The following GRID2 variants were observed in gnomAD, a reference collection of about 807,000 sequenced individuals.
GRID2 encodes glutamate ionotropic receptor delta type subunit 2.
GRID2 carries 33 observed loss-of-function variants against 114.8 expected under a neutral mutation model. The observed-to-expected ratio is 0.29, with a 90% CI of 0.22 to 0.38. The LOEUF (loss-of-function observed/expected upper bound fraction) is 0.38. GRID2 is among the 10% of genes least tolerant of loss of function. The pLI is 1.00. For missense variants in GRID2, 1,184 were observed against 1,257.7 expected (o/e 0.94, Z 0.89); for synonymous variants, 505 against 449.9 (o/e 1.12, Z -1.55).
At chr4:93,497,144 C>A (rs936242906) in intron 12 of GRID2, among the ~76,000 whole-genome samples, 3 of 151,440 alleles carry the variant, frequency 2.0e-5, no homozygotes, top group Non-Finnish European at 4.4e-5. Flanking sequence ...TATTGAACAT[C>A]TGTTCATGGG....
intron 13 of GRID2, among the ~76,000 whole-genome samples, chr4:93,538,489 T>C (rs1732329054): frequency 1.3e-5 from 2 of 151,694 alleles, no homozygotes; most frequent in South Asian, 4.1e-4. Flanking sequence ...AGGAGCTTTA[T>C]ACTCCTCCAT....
At chr4:92,450,142 T>C (rs1376114651) in intron 1 of GRID2, among the ~76,000 whole-genome samples, 6 of 152,100 alleles carry the variant, frequency 3.9e-5, no homozygotes, top group East Asian at 1.9e-4. Context: ...AAAGTAGTTT[T>C]AGTCATTAAA....
At chr4:92,835,062 T>A (rs1283473854) in intron 2 of GRID2, among the ~76,000 whole-genome samples, 1 of 152,122 alleles carries the variant, frequency 6.6e-6, no homozygotes, top group Non-Finnish European at 1.5e-5. Flanking sequence ...GAGAACTTAT[T>A]TTAAATAAGT....
At chr4:93,363,835 T>C (rs2149279057) in intron 8 of GRID2, among the ~76,000 whole-genome samples, 1 of 151,842 alleles carries the variant, frequency 6.6e-6, no homozygotes, top group Non-Finnish European at 1.5e-5. Context: ...TATTAGTTAA[T>C]AGAAAATATA....
At chr4:92,654,709 T>A (rs2149264619) in intron 2 of GRID2, among the ~76,000 whole-genome samples, 1 of 152,142 alleles carries the variant, frequency 6.6e-6, no homozygotes, top group Middle Eastern at 3.4e-3. Flanking sequence ...CTGTATGTCT[T>A]CTATTGCTAT....
intron 14 of GRID2, among the ~76,000 whole-genome samples, chr4:93,671,732 A>G (rs761439183): frequency 2.0e-5 from 3 of 152,054 alleles, no homozygotes; most frequent in Non-Finnish European, 2.9e-5. Context: ...ACTTTGGGAG[A>G]CTGAGGTGGG....
intron 1 of GRID2, among the ~76,000 whole-genome samples, chr4:92,482,676 T>A (rs1459938283): frequency 1.3e-5 from 2 of 152,174 alleles, no homozygotes; most frequent in Non-Finnish European, 2.9e-5. Flanking sequence ...TATCAAATCA[T>A]ATCACAGGGC....
At chr4:92,364,943 T>C (rs1262582579) in intron 1 of GRID2, among the ~76,000 whole-genome samples, 3 of 152,112 alleles carry the variant, frequency 2.0e-5, no homozygotes, top group Non-Finnish European at 4.4e-5. Flanking sequence ...CCCTGTTTCC[T>C]ACTACATTCC....
intron 14 of GRID2, among the ~76,000 whole-genome samples, chr4:93,766,732 A>G (rs576408966): frequency 2.8e-4 from 42 of 152,316 alleles, no homozygotes; most frequent in African/African-American, 9.1e-4. Flanking sequence ...AAGGTAATCA[A>G]TGGTGCTCTG....
chr4:93,155,021 A>G (rs532911645), intron 4 of GRID2, among the ~76,000 whole-genome samples: 3 of 151,930 alleles, frequency 2.0e-5, no homozygotes, highest in East Asian at 3.9e-4. Context: ...CTACAATTTA[A>G]TATTTTCAGA....
rs189255203 is a variant in GRID2 at position 92,763,704 on chromosome 4, G to T, written c.244+173418G>T. Among the ~76,000 whole-genome samples, 201 of 152,212 alleles carry T rather than the reference G, an allele frequency of 1.3e-3. 1 individual carries two copies. The highest frequency in any genetic ancestry group is 4.5e-3 in the African/African-American group (186 of 41,540). On this transcript the variant is annotated intron_variant, in intron 2 of 15. Transcript: ENST00000282020. ...TGCACTTTATGCTTTAAATGAGTGG[G>T]GATACGAATTAAGTGACAGAGTTAG...
At chr4:92,312,285 T>A (rs1347935317) in intron 1 of GRID2, among the ~76,000 whole-genome samples, 1 of 151,990 alleles carries the variant, frequency 6.6e-6, no homozygotes, top group Non-Finnish European at 1.5e-5. Flanking sequence ...TATATTTGGG[T>A]TAAGATAAAA....
At chr4:93,579,260 C>T (rs1220426231) in intron 13 of GRID2, among the ~76,000 whole-genome samples, 1 of 152,102 alleles carries the variant, frequency 6.6e-6, no homozygotes, top group Non-Finnish European at 1.5e-5. Flanking sequence ...TCCTCCACTA[C>T]CCACACAGTT....
At chr4:93,677,500 C>G (rs1416857247) in intron 14 of GRID2, among the ~76,000 whole-genome samples, 1 of 152,142 alleles carries the variant, frequency 6.6e-6, no homozygotes, top group African/African-American at 2.4e-5. Context: ...TGACCCCTGA[C>G]CCCCGAGCAG....
intron 1 of GRID2, among the ~76,000 whole-genome samples, chr4:92,580,895 T>TTG (rs71869201): frequency 0.19 from 17,447 of 92,810 alleles, 1,446 homozygotes; most frequent in African/African-American, 0.3. Context: ...TATTTGTTTT[T>TTG]TTTTTTTTTT....
intron 14 of GRID2, among the ~76,000 whole-genome samples, chr4:93,732,281 C>CTT (rs995947283): frequency 6.6e-6 from 1 of 152,116 alleles, no homozygotes; most frequent in Non-Finnish European, 1.5e-5. Context: ...AGTACAAAGG[C>CTT]TTTTCCTAGT....
chr4:92,304,010 T>A lies in GRID2; in HGVS notation c.-647T>A. ...GCCTCGCCAAGCTGCGTTCCGCGCCTCACGCAGAAAGGGAATTTTCTCTGC... is the reference window on the plus strand; with the variant it reads ...GCCTCGCCAAGCTGCGTTCCGCGCCACACGCAGAAAGGGAATTTTCTCTGC... On this transcript the variant is annotated 5_prime_UTR_variant, in exon 1 of 16. Coordinates refer to ENST00000282020, the MANE Select transcript of GRID2 (RefSeq NM_001510.4). 6.6e-6 allele frequency: 1 copy of A among 152,476 alleles called. No homozygotes were observed. Among genetic ancestry groups the A allele is most frequent in the East Asian group, 1.9e-4 (1 of 5,186 alleles). 9.4% of individuals were successfully genotyped at this position (152,476 alleles called of 1,614,324 possible). A position where few individuals can be genotyped will look rare whatever the true frequency, so the allele number is the denominator to read the frequency against.
At chr4:93,085,529 A>G (rs1279871875) in intron 3 of GRID2, among the ~76,000 whole-genome samples, 2 of 152,202 alleles carry the variant, frequency 1.3e-5, no homozygotes, top group Non-Finnish European at 2.9e-5. Context: ...AAATGTTTCT[A>G]GAGAGAATCT....
intron 1 of GRID2, among the ~76,000 whole-genome samples, chr4:92,452,702 T>C (rs1415280178): frequency 2.6e-5 from 4 of 151,956 alleles, no homozygotes; most frequent in East Asian, 1.9e-4. Flanking sequence ...CTAATACATA[T>C]AATAACAATT....
Sources: allele counts gnomAD v4.1 joint callset (sites outside exome capture counted in the v4.1 genomes callset), GRCh38; gene constraint gnomAD v4.1.1; transcripts MANE v1.5; gene names NCBI Gene and HGNC (gene_info 2026-07-23, HGNC 2026-07-21).